The following MAD1L1 variants were observed in gnomAD, a reference collection of about 807,000 sequenced individuals.
The protein encoded by MAD1L1 is mitotic spindle assembly checkpoint protein MAD1.
MAD1L1 carries 95 observed loss-of-function variants against 96.9 expected under a neutral mutation model. The observed-to-expected ratio is 0.98, with a 90% CI of 0.83 to 1.16. The LOEUF is 1.16. Ranked by LOEUF, MAD1L1 falls within the 50% of genes most tolerant of loss-of-function variation. The pLI, the probability that MAD1L1 is intolerant of heterozygous loss-of-function variation, is 0.00. For synonymous variants in MAD1L1, 473 were observed against 396.6 expected, an observed-to-expected ratio of 1.19 and a Z score of -2.29; for missense variants, 1,007 against 954.4, an observed-to-expected ratio of 1.06 and a Z score of -0.73.
At chr7:1,976,964 G>A (rs542244763) in intron 15 of MAD1L1, among the ~76,000 whole-genome samples, 2 of 152,376 alleles carry the variant, frequency 1.3e-5, no homozygotes, top group South Asian at 4.1e-4. Context: ...GCTAGACACA[G>A]ATTGCTGATT....
chr7:1,879,178 T>G (rs955676053), intron 18 of MAD1L1, among the ~76,000 whole-genome samples: 1 of 152,302 alleles, frequency 6.6e-6, no homozygotes, highest in African/African-American at 2.4e-5. Context: ...ATTGTTAGAA[T>G]GTCAGTTCTT....
At chr7:1,990,631 C>T (rs1047010479) in intron 14 of MAD1L1, among the ~76,000 whole-genome samples, 1 of 152,268 alleles carries the variant, frequency 6.6e-6, no homozygotes, top group South Asian at 2.1e-4. Flanking sequence ...GGGATGAGGC[C>T]GCTGCAGAAC....
intron 12 of MAD1L1, among the ~76,000 whole-genome samples, chr7:2,027,885 C>G (rs550033419): frequency 3.9e-5 from 6 of 151,990 alleles, no homozygotes. Context: ...ATGAAAGGTA[C>G]GAAGATCAAG....
chr7:2,144,920 C>T (rs554862042), intron 11 of MAD1L1, among the ~76,000 whole-genome samples: 15 of 152,296 alleles, frequency 9.8e-5, no homozygotes, highest in South Asian at 2.1e-4. Context: ...ATCTCTGACA[C>T]GCTCTGCTCA....
At chr7:1,851,447 G>T (rs1003941425) in intron 18 of MAD1L1, among the ~76,000 whole-genome samples, 2 of 152,190 alleles carry the variant, frequency 1.3e-5, no homozygotes, top group African/African-American at 4.8e-5. Flanking sequence ...TCGTGGATGA[G>T]AGGCGTCCCC....
At chr7:1,848,648 G>A (rs923557413) in intron 18 of MAD1L1, 1 of 154,554 alleles carries the variant, frequency 6.5e-6, no homozygotes, top group Admixed American at 6.5e-5. Flanking sequence ...TCCTGGTTCC[G>A]AGAGCCCAGC....
At chr7:1,925,304 G>A (rs1424407255) in intron 17 of MAD1L1, among the ~76,000 whole-genome samples, 1 of 152,188 alleles carries the variant, frequency 6.6e-6, no homozygotes, top group African/African-American at 2.4e-5. Context: ...GAAAATCAGG[G>A]AGAGACACTT....
chr7:2,231,873 G>T (rs1392787065), intron 1 of MAD1L1, among the ~76,000 whole-genome samples: 1 of 152,008 alleles, frequency 6.6e-6, no homozygotes, highest in Admixed American at 6.6e-5. Context: ...AAGTTGTGGG[G>T]AACGGGGCCA....
At chr7:1,976,683 T>G (rs944378619) in intron 15 of MAD1L1, among the ~76,000 whole-genome samples, 1 of 152,204 alleles carries the variant, frequency 6.6e-6, no homozygotes, top group Non-Finnish European at 1.5e-5. Flanking sequence ...TCCTGCTGAT[T>G]GGCCCATTTT....
intron 18 of MAD1L1, among the ~76,000 whole-genome samples, chr7:1,897,466 G>A (rs1015467540): frequency 8.5e-5 from 13 of 152,194 alleles, no homozygotes; most frequent in Admixed American, 7.2e-4. Context: ...CCAGGCCGAC[G>A]GCACCATCCT....
chr7:2,145,251 T>G (rs948813132), intron 11 of MAD1L1, among the ~76,000 whole-genome samples: 5 of 152,236 alleles, frequency 3.3e-5, no homozygotes, highest in Admixed American at 3.3e-4. Context: ...CTCTCTCTGC[T>G]GTAAGACAGG....
chr7:1,945,826 G>A (rs1237102605), intron 16 of MAD1L1, among the ~76,000 whole-genome samples: 1 of 152,206 alleles, frequency 6.6e-6, no homozygotes, highest in African/African-American at 2.4e-5. Flanking sequence ...TCAGAGGGTG[G>A]CCTGAGAAGT....
intron 14 of MAD1L1, among the ~76,000 whole-genome samples, chr7:1,993,080 T>C (rs1781419113): frequency 6.6e-6 from 1 of 152,222 alleles, no homozygotes; most frequent in Admixed American, 6.5e-5. Flanking sequence ...TATTATAGAC[T>C]CGATCTAAGT....
At chr7:1,818,054 TAAAC>T in intron 18 of MAD1L1, among the ~76,000 whole-genome samples, 1 of 152,066 alleles carries the variant, frequency 6.6e-6, no homozygotes, top group East Asian at 1.9e-4. Flanking sequence ...AAACCATTTT[TAAAC>T]AAAAACAAGA....
chr7:2,228,011 C>T (rs545885531), intron 3 of MAD1L1, among the ~76,000 whole-genome samples: 74 of 149,236 alleles, frequency 5.0e-4, no homozygotes, highest in African/African-American at 1.6e-3. Context: ...CCTGCCACGC[C>T]GGGGGCTCAG....
At position 2,011,852 on chromosome 7, in the gene MAD1L1, G is replaced by T. The variant is rs75850556; in HGVS notation, c.1359+2650C>A. On this transcript the variant is annotated intron_variant, in intron 13 of 18. Coordinates refer to ENST00000265854, the MANE Select transcript of MAD1L1 (RefSeq NM_001013836.2). ...ACAGGCCAGTGCAGCGGGGTCCTGGGGGGAGACTGCAGGTGCTGGCCTGCT... is the reference window on the plus strand; with the variant it reads ...ACAGGCCAGTGCAGCGGGGTCCTGGTGGGAGACTGCAGGTGCTGGCCTGCT... Among the ~76,000 whole-genome samples, 1,270 of 152,314 alleles carry T rather than the reference G, an allele frequency of 8.3e-3. 37 individuals are homozygous for T. The East Asian group carries it at 0.084, about 10-fold the overall frequency.
At chr7:1,947,143 G>C (rs1779265983) in intron 16 of MAD1L1, among the ~76,000 whole-genome samples, 1 of 152,240 alleles carries the variant, frequency 6.6e-6, no homozygotes, top group Non-Finnish European at 1.5e-5. Context: ...GGACAGGAAA[G>C]CCCTGAGCCC....
At chr7:2,036,363 G>A (rs71525355) in intron 12 of MAD1L1, among the ~76,000 whole-genome samples, 12 of 150,922 alleles carry the variant, frequency 8.0e-5, no homozygotes, top group East Asian at 2.0e-4. Context: ...GCGCAGGAGC[G>A]CTGACAAGTC....
intron 11 of MAD1L1, among the ~76,000 whole-genome samples, chr7:2,078,946 A>G (rs1483319361): frequency 1.3e-5 from 2 of 152,214 alleles, no homozygotes; most frequent in African/African-American, 2.4e-5. Flanking sequence ...GCACCCCCAT[A>G]GGGCTGGGGG....
Sources: gnomAD v4.1 joint callset for allele counts (sites outside exome capture counted in the v4.1 genomes callset) on GRCh38, gnomAD v4.1.1 for gene constraint, MANE v1.5 for transcripts, NCBI Gene and HGNC (gene_info 2026-07-23, HGNC 2026-07-21) for gene names.